Variants in QSER1 observed in about 807,000 individuals in gnomAD.
The protein encoded by QSER1 is glutamine and serine rich 1.
In QSER1, 49 loss-of-function variants were observed where a neutral mutation model predicts 158.5. That is an observed-to-expected ratio of 0.31 (90% CI 0.25 to 0.39). QSER1 has a LOEUF of 0.39. Among genes scored for constraint, QSER1 ranks in the 10% least tolerant of loss-of-function variants. QSER1 has a pLI of 1.00. For missense variants in QSER1, 1,754 were observed against 2,010.3 expected (o/e 0.87, Z 2.44); for synonymous variants, 650 against 715.5 (o/e 0.91, Z 1.46).
At chr11:32,929,237 G>T (rs1173114296) in intron 3 of QSER1, among the ~76,000 whole-genome samples, 1 of 152,042 alleles carries the variant, frequency 6.6e-6, no homozygotes, top group African/African-American at 2.4e-5. Flanking sequence ...TCAGCCTCCT[G>T]AGTAGCTGGG....
At chr11:32,950,708 AC>A (rs1049266246) in intron 4 of QSER1, among the ~76,000 whole-genome samples, 3 of 152,170 alleles carry the variant, frequency 2.0e-5, no homozygotes, top group African/African-American at 7.2e-5. Flanking sequence ...ATAGGCAACC[AC>A]AAATCTTTCT....
intron 1 of QSER1, among the ~76,000 whole-genome samples, chr11:32,904,112 T>C (rs971314335): frequency 5.3e-5 from 8 of 152,200 alleles, no homozygotes; most frequent in African/African-American, 1.9e-4. Context: ...TTTCCTTACA[T>C]TGACTCAGGC....
chr11:32,943,001 A>G (rs1852266514), intron 4 of QSER1, among the ~76,000 whole-genome samples: 1 of 151,940 alleles, frequency 6.6e-6, no homozygotes, highest in African/African-American at 2.4e-5. Context: ...AGCAATTGTA[A>G]ATGGGAGTTC....
At chr11:32,917,039 G>A (rs749146506) in intron 1 of QSER1, among the ~76,000 whole-genome samples, 3 of 152,184 alleles carry the variant, frequency 2.0e-5, no homozygotes, top group East Asian at 1.9e-4. Flanking sequence ...CACCCACCTC[G>A]GCCTCCCGCA....
At chr11:32,949,579 T>G (rs1034157378) in intron 4 of QSER1, among the ~76,000 whole-genome samples, 1 of 152,182 alleles carries the variant, frequency 6.6e-6, no homozygotes, top group Non-Finnish European at 1.5e-5. Flanking sequence ...TGCAATTGTA[T>G]AATGTTAGAA....
At position 32,979,763 on chromosome 11, in the gene QSER1, G is replaced by C. The variant is rs544056652; in HGVS notation, c.*3289G>C. 1 of 152,228 alleles carries C rather than the reference G, an allele frequency of 6.6e-6. No individual in the cohort carries two copies. The highest frequency in any genetic ancestry group is 2.1e-4 in the South Asian group (1 of 4,822). 9.4% of individuals were successfully genotyped at this position (152,228 alleles called of 1,614,324 possible). On this transcript the variant is annotated 3_prime_UTR_variant, in exon 13 of 13. Coordinates refer to ENST00000650167, the MANE Select transcript of QSER1 (RefSeq NM_001076786.3). ...ATACATATTTATTTTCTTTAAAGCA[G>C]CTATATCCCAACCCATGACTTTGGA... is the stretch of plus-strand genomic sequence containing the variant.
At chr11:32,957,093 G>T (rs1852527220) in intron 7 of QSER1, among the ~76,000 whole-genome samples, 2 of 150,728 alleles carry the variant, frequency 1.3e-5, no homozygotes, top group Non-Finnish European at 3.0e-5. Context: ...AGGGACTCTA[G>T]GACAGATGCA....
chr11:32,962,366 C>T (rs532572424), intron 8 of QSER1, among the ~76,000 whole-genome samples: 14 of 152,122 alleles, frequency 9.2e-5, no homozygotes, highest in Admixed American at 4.6e-4. Context: ...GGTTATTTGT[C>T]TTTTTGTTGT....
chr11:32,933,143 C>G lies in QSER1; in HGVS notation c.1885C>G (p.Gln629Glu), dbSNP rs532160355. Residue 629 changes from glutamine to glutamate, a missense_variant, in exon 4 of 13, where the codon CAA (glutamine) becomes GAA (glutamate). This residue lies in a region of QSER1 where 1,707 missense variants were observed against 1,919.6 expected (regional missense o/e 0.89). Transcript: ENST00000650167. Reference protein sequence around the residue: ...TQNYISMHSSQNVQTQESSSP... With the variant: ...TQNYISMHSSENVQTQESSSP... ...GAATTATATTTCTATGCATTCTTCC[C>G]AAAATGTTCAGACTCAAGAGTCATC... 2 of 1,613,176 alleles carry G rather than the reference C, an allele frequency of 1.2e-6. No homozygotes were observed. Among genetic ancestry groups the G allele is most frequent in the South Asian group, 2.2e-5 (2 of 90,924 alleles).
In QSER1 at chr11:32,932,051, TCAGCTCAAGAGTCTG is replaced by T; in HGVS notation, c.796_810del (p.Ala266_Ala270del). The T allele has an allele frequency of 6.2e-7, 1 of 1,614,226 alleles. No homozygotes were observed. Among genetic ancestry groups the T allele is most frequent in the Non-Finnish European group, 8.5e-7 (1 of 1,180,038 alleles). ...ACCACCTCAGTCTTCAACATACCGC[TCAGCTCAAGAGTCTG>T]CACCCCATCTTTTACAACCTCAATT... On this transcript the variant is annotated inframe_deletion, in exon 4 of 13. Transcript: ENST00000650167.
intron 4 of QSER1, among the ~76,000 whole-genome samples, chr11:32,946,332 G>A (rs1219242262): frequency 6.6e-6 from 1 of 152,162 alleles, no homozygotes; most frequent in Non-Finnish European, 1.5e-5. Context: ...AGAGTTTCCA[G>A]TTTTTCTGTT....
chr11:32,964,731 TATATATATACACACAC>T (rs1458759336), intron 8 of QSER1, among the ~76,000 whole-genome samples: 2 of 113,098 alleles, frequency 1.8e-5, no homozygotes, highest in Non-Finnish European at 3.8e-5. Flanking sequence ...TATATATATA[TATATATATACACACAC>T]ACACACACAC....
In QSER1 at chr11:32,939,640, G is replaced by A. The variant is rs147245463; in HGVS notation, c.4177+4205G>A. 5.3e-5 allele frequency among the ~76,000 whole-genome samples: 8 copies of A among 152,210 alleles called. No individual in the cohort carries two copies. In the East Asian group the frequency reaches 1.5e-3, roughly 29 times the overall value. On this transcript the variant is annotated intron_variant, in intron 4 of 12. Coordinates refer to ENST00000650167, the MANE Select transcript of QSER1 (RefSeq NM_001076786.3). Reference sequence around the variant, plus strand: ...GAACATAAGTTCTGTCTTACTTTTTGTGAATGGTGTTTCCAGTGTCAGTTC... The same window carrying A: ...GAACATAAGTTCTGTCTTACTTTTTATGAATGGTGTTTCCAGTGTCAGTTC...
In QSER1 at chr11:32,934,122, A is replaced by G. The variant is rs1210114739; in HGVS notation, c.2864A>G (p.Gln955Arg). The change falls in exon 4 of 13, where the codon CAG becomes CGG. Residue 955 changes from glutamine to arginine, a missense_variant. Around this residue, in one of 2 missense-constraint regions of QSER1, gnomAD observed 1,707 missense variants for 1,919.6 expected, o/e 0.89. Coordinates refer to ENST00000650167, the MANE Select transcript of QSER1 (RefSeq NM_001076786.3). ...SETNQHDSKN[Q>R]FVSLGSMCFP... ...ACAAATCAACATGATTCAAAGAATC[A>G]GTTTGTTTCTCTTGGATCGATGTGT... 1.9e-6 allele frequency: 3 copies of G among 1,613,868 alleles called. No individual in the cohort carries two copies. The African/African-American group carries it at 4.0e-5, about 22-fold the overall frequency.
rs557464119 is a variant in QSER1 at position 32,978,526 on chromosome 11, C to T, written c.*2052C>T. 1 of 152,296 alleles carries T rather than the reference C, an allele frequency of 6.6e-6. No individual in the cohort carries two copies. Among genetic ancestry groups the T allele is most frequent in the African/African-American group, 2.4e-5 (1 of 41,564 alleles). 9.4% of individuals were successfully genotyped at this position (152,296 alleles called of 1,614,324 possible). On this transcript the variant is annotated 3_prime_UTR_variant, in exon 13 of 13. Transcript: ENST00000650167. ...CCTTAATTTAGGTAGCTCTTGGAAT[C>T]GATGTTTGAATTCACTAGCCACATT...
rs1288460957 is a variant in QSER1, at chr11:32,977,660, T to G, written c.*1186T>G. 1.3e-5 allele frequency: 2 copies of G among 152,638 alleles called. No individual in the cohort carries two copies. Among genetic ancestry groups the G allele is most frequent in the Non-Finnish European group, 2.9e-5 (2 of 68,030 alleles). 9.5% of individuals were successfully genotyped at this position (152,638 alleles called of 1,614,324 possible). A position where few individuals can be genotyped will look rare whatever the true frequency, so the allele number is the denominator to read the frequency against. On this transcript the variant is annotated 3_prime_UTR_variant, in exon 13 of 13. Transcript: ENST00000650167. ...ACACACTATTGTAGCTTTCTTAGGTTTGATAGGTAGCGTTTCAAGTAGTTT... is the reference window on the plus strand; with the variant it reads ...ACACACTATTGTAGCTTTCTTAGGTGTGATAGGTAGCGTTTCAAGTAGTTT...
intron 1 of QSER1, among the ~76,000 whole-genome samples, chr11:32,901,158 C>G (rs1391934180): frequency 6.6e-6 from 1 of 152,174 alleles, no homozygotes; most frequent in Non-Finnish European, 1.5e-5. Flanking sequence ...CTCTCTGTGC[C>G]TCAGTTTCCT....
rs1402185539 is a variant in QSER1, at chr11:32,980,169, G to C, written c.*3695G>C. 1 of 152,494 alleles carries C rather than the reference G, an allele frequency of 6.6e-6. No individual in the cohort carries two copies. Among genetic ancestry groups the C allele is most frequent in the African/African-American group, 2.4e-5 (1 of 41,416 alleles). 9.4% of individuals were successfully genotyped at this position (152,494 alleles called of 1,614,324 possible). A position where few individuals can be genotyped will look rare whatever the true frequency, so the allele number is the denominator to read the frequency against. ...CATTTGTAGTCCAGCGTTTTCATTT[G>C]GTCCATAACACAATGTATGGAAATG... On this transcript the variant is annotated 3_prime_UTR_variant, in exon 13 of 13. Transcript: ENST00000650167.
At chr11:32,960,110 G>A (rs1852594779) in intron 8 of QSER1, among the ~76,000 whole-genome samples, 1 of 152,002 alleles carries the variant, frequency 6.6e-6, no homozygotes, top group South Asian at 2.1e-4. Flanking sequence ...AAGTGCAGTG[G>A]TGCACATCTA....
Sources: allele counts gnomAD v4.1 joint callset (sites outside exome capture counted in the v4.1 genomes callset), GRCh38; gene constraint gnomAD v4.1.1; regional missense constraint gnomAD v4.1.1; transcripts MANE v1.5; gene names NCBI Gene and HGNC (gene_info 2026-07-23, HGNC 2026-07-21).